Variants in COL13A1 observed in about 807,000 individuals in gnomAD.
COL13A1 encodes collagen alpha-1(XIII) chain.
COL13A1 carries 89 observed loss-of-function variants against 130.9 expected under a neutral mutation model. That is an observed-to-expected ratio of 0.68 (90% CI 0.57 to 0.81). The LOEUF (loss-of-function observed/expected upper bound fraction) is 0.81. Ranked by LOEUF, COL13A1 falls within the 30% of genes least tolerant of loss-of-function variation. The pLI, the probability that COL13A1 is intolerant of heterozygous loss-of-function variation, is 0.00. For synonymous variants in COL13A1, 402 were observed against 341.6 expected (o/e 1.18, Z -1.95); for missense variants, 879 against 934.6 (o/e 0.94, Z 0.78).
chr10:69,869,749 G>C (rs937501911), intron 3 of COL13A1, among the ~76,000 whole-genome samples: 2 of 152,224 alleles, frequency 1.3e-5, no homozygotes, highest in African/African-American at 4.8e-5. Flanking sequence ...TGCTCAAGCT[G>C]ACATCTATTG....
At position 69,922,861 on chromosome 10, in the gene COL13A1, C is replaced by G. The variant is rs1029917972; in HGVS notation, c.1230+67C>G. The G allele has an allele frequency of 3.5e-6, 4 of 1,128,910 alleles. No individual in the cohort carries two copies. The African/African-American group carries it at 6.4e-5, about 18-fold the overall frequency. 69.9% of individuals were successfully genotyped at this position (1,128,910 alleles called of 1,614,324 possible). ...GGGGACTTTGTCTTCAGCCTGTTCTCGGGGACTCTACGTCCCGGACATCCC... is the reference window on the plus strand; with the variant it reads ...GGGGACTTTGTCTTCAGCCTGTTCTGGGGGACTCTACGTCCCGGACATCCC... On this transcript the variant is annotated intron_variant, in intron 23 of 40. Transcript: ENST00000645393.
At chr10:69,817,292 G>A (rs890270992) in intron 1 of COL13A1, among the ~76,000 whole-genome samples, 3 of 152,112 alleles carry the variant, frequency 2.0e-5, no homozygotes, top group African/African-American at 7.2e-5. Flanking sequence ...GCACAGATGG[G>A]GAGCTTAGGA....
At chr10:69,846,312 C>A (rs926561710) in intron 2 of COL13A1, among the ~76,000 whole-genome samples, 13 of 152,014 alleles carry the variant, frequency 8.6e-5, no homozygotes, top group Non-Finnish European at 1.8e-4. Context: ...TCCTAATCAA[C>A]AGGAAGGGCC....
intron 2 of COL13A1, among the ~76,000 whole-genome samples, chr10:69,832,924 T>C (rs1047962544): frequency 1.3e-5 from 2 of 152,114 alleles, no homozygotes; most frequent in Non-Finnish European, 2.9e-5. Context: ...TGTAGTTGGG[T>C]TGGAAGTGAT....
intron 1 of COL13A1, among the ~76,000 whole-genome samples, chr10:69,803,374 C>T (rs1470242192): frequency 1.3e-5 from 2 of 152,170 alleles, no homozygotes; most frequent in Admixed American, 1.3e-4. Context: ...TTTTTTTGAT[C>T]CAAGTAGATT....
intron 13 of COL13A1, among the ~76,000 whole-genome samples, chr10:69,897,849 C>T (rs1301852821): frequency 6.6e-6 from 1 of 152,214 alleles, no homozygotes; most frequent in Non-Finnish European, 1.5e-5. Context: ...GCTCTGATGG[C>T]CTCCTAAAGC....
intron 2 of COL13A1, among the ~76,000 whole-genome samples, chr10:69,846,753 G>A (rs559627906): frequency 2.0e-4 from 31 of 152,358 alleles, no homozygotes; most frequent in African/African-American, 7.5e-4. Context: ...TCAGAGGGGA[G>A]CACCGGGAGG....
intron 2 of COL13A1, among the ~76,000 whole-genome samples, chr10:69,834,500 TA>T (rs1849559204): frequency 6.6e-6 from 1 of 152,222 alleles, no homozygotes; most frequent in Non-Finnish European, 1.5e-5. Context: ...AACCATGGCA[TA>T]TATTCAACAG....
chr10:69,896,817 A>C (rs1420647252), intron 13 of COL13A1, among the ~76,000 whole-genome samples: 1 of 152,242 alleles, frequency 6.6e-6, no homozygotes, highest in Non-Finnish European at 1.5e-5. Flanking sequence ...ACAGCCTGTC[A>C]GCGGCATGTG....
intron 30 of COL13A1, 126 bp downstream of exon 30, chr10:69,930,678 TA>T: frequency 9.0e-7 from 1 of 1,116,662 alleles, no homozygotes; most frequent in Non-Finnish European, 1.2e-6. Context: ...GGCCAGGGCT[TA>T]GGGGTGGAGG....
At chr10:69,874,658 A>G (rs371912671) in intron 4 of COL13A1, among the ~76,000 whole-genome samples, 9 of 152,314 alleles carry the variant, frequency 5.9e-5, no homozygotes, top group African/African-American at 2.2e-4. Context: ...GGGGAGGAGC[A>G]CTGCTCTCCA....
chr10:69,947,672 G>A (rs1269299791), intron 38 of COL13A1, among the ~76,000 whole-genome samples: 1 of 152,146 alleles, frequency 6.6e-6, no homozygotes, highest in African/African-American at 2.4e-5. Flanking sequence ...GATCATTTTA[G>A]ATCCATTGCT....
chr10:69,864,208 G>A (rs577592914), intron 2 of COL13A1, among the ~76,000 whole-genome samples: 1 of 152,192 alleles, frequency 6.6e-6, no homozygotes, highest in Non-Finnish European at 1.5e-5. Flanking sequence ...TATGGAAGGG[G>A]TGATAATGCC....
chr10:69,923,936 G>T (rs762110979), intron 24 of COL13A1, 81 bp downstream of exon 24: 44 of 1,538,908 alleles, frequency 2.9e-5, no homozygotes, highest in Non-Finnish European at 3.6e-5. Context: ...GACCCTAGGG[G>T]TATCCCTCAG....
At chr10:69,929,055 G>T in intron 28 of COL13A1, 56 bp downstream of exon 28, 6 of 1,380,858 alleles carry the variant, frequency 4.3e-6, no homozygotes, top group Non-Finnish European at 6.1e-6. Context: ...CGACCCCAGG[G>T]CTTCCCCTCC....
At chr10:69,805,899 A>C (rs1056830313) in intron 1 of COL13A1, among the ~76,000 whole-genome samples, 3 of 152,258 alleles carry the variant, frequency 2.0e-5, no homozygotes, top group African/African-American at 7.2e-5. Context: ...ATTCTCCAAA[A>C]TGGAGGTGCA....
At chr10:69,843,016 G>T (rs1852015860) in intron 2 of COL13A1, among the ~76,000 whole-genome samples, 1 of 152,200 alleles carries the variant, frequency 6.6e-6, no homozygotes, top group African/African-American at 2.4e-5. Context: ...AACTGTTTAT[G>T]TTCTCCGGCT....
intron 1 of COL13A1, among the ~76,000 whole-genome samples, chr10:69,820,560 G>T (rs956910988): frequency 6.6e-5 from 10 of 152,230 alleles, no homozygotes; most frequent in Admixed American, 5.9e-4. Flanking sequence ...CACCAGAGGG[G>T]CTATCACCAG....
At chr10:69,940,900 A>C in intron 34 of COL13A1, 88 bp from the exon 35 acceptor site, 4 of 1,533,410 alleles carry the variant, frequency 2.6e-6, no homozygotes, top group Non-Finnish European at 2.7e-6. Flanking sequence ...TCACTGCTTT[A>C]CTCACCTCTT....
Sources: allele counts gnomAD v4.1 joint callset (sites outside exome capture counted in the v4.1 genomes callset), GRCh38; gene constraint gnomAD v4.1.1; transcripts MANE v1.5; gene names NCBI Gene and HGNC (gene_info 2026-07-23, HGNC 2026-07-21).